The following KIF18A variants were observed in gnomAD, a reference collection of about 807,000 sequenced individuals.
KIF18A encodes the protein kinesin family member 18A, also known as kinesin-like protein KIF18A.
In KIF18A, 67 loss-of-function variants were observed where a neutral mutation model predicts 103.3. The ratio of observed to expected loss-of-function variants is 0.65; its 90% confidence interval spans 0.53 to 0.79. The LOEUF is 0.79. Ranked by LOEUF, KIF18A falls within the 30% of genes least tolerant of loss-of-function variation. The probability of loss-of-function intolerance (pLI) is 0.00; values close to 1 mark genes in which losing one functional copy is unlikely to be tolerated. For synonymous variants in KIF18A, 367 were observed against 355.5 expected, an observed-to-expected ratio of 1.03 and a Z score of -0.36; for missense variants, 1,032 against 1,062.5, an observed-to-expected ratio of 0.97 and a Z score of 0.40.
intron 10 of KIF18A, 95 bp downstream of exon 10, chr11:28,076,912 C>T (rs1851099548): frequency 1.7e-6 from 1 of 580,414 alleles, no homozygotes. Flanking sequence ...CCAGCTTGGG[C>T]AACAGAAGAA....
chr11:28,022,569 T>C (rs1462808763), intron 16 of KIF18A, among the ~76,000 whole-genome samples: 1 of 152,106 alleles, frequency 6.6e-6, no homozygotes, highest in Non-Finnish European at 1.5e-5. Flanking sequence ...GCCCGGCCAA[T>C]TTGAGAGTTT....
intron 10 of KIF18A, 52 bp downstream of exon 10, chr11:28,076,955 A>AAAG: frequency 1.2e-6 from 1 of 847,144 alleles, no homozygotes; most frequent in Non-Finnish European, 1.7e-6. Context: ...AAAAAAAAAA[A>AAAG]GCCCCCATGT....
At chr11:28,073,883 T>A (rs981543007) in intron 10 of KIF18A, among the ~76,000 whole-genome samples, 2 of 152,222 alleles carry the variant, frequency 1.3e-5, no homozygotes, top group African/African-American at 4.8e-5. Context: ...AGTTGAGATG[T>A]TAAGTCAATA....
chr11:28,075,004 A>G (rs901099228), intron 10 of KIF18A, among the ~76,000 whole-genome samples: 7 of 152,166 alleles, frequency 4.6e-5, no homozygotes, highest in Non-Finnish European at 5.9e-5. Flanking sequence ...GTTTAGGTAT[A>G]TATTTATCTT....
intron 11 of KIF18A, among the ~76,000 whole-genome samples, chr11:28,067,179 G>C (rs1850942976): frequency 6.6e-6 from 1 of 151,740 alleles, no homozygotes. Context: ...ATTTTTGTGG[G>C]GAATATTTTA....
intron 13 of KIF18A, among the ~76,000 whole-genome samples, chr11:28,057,300 G>A (rs2133523099): frequency 6.6e-6 from 1 of 152,208 alleles, no homozygotes; most frequent in African/African-American, 2.4e-5. Context: ...TGGATCACGA[G>A]GTCAGGAGAT....
chr11:28,035,996 T>G (rs1229031617), intron 14 of KIF18A, among the ~76,000 whole-genome samples: 1 of 151,522 alleles, frequency 6.6e-6, no homozygotes, highest in Non-Finnish European at 1.5e-5. Flanking sequence ...AGGTCTCTCC[T>G]AGACTAACGA....
At chr11:28,088,083 C>T (rs184537325) in intron 6 of KIF18A, among the ~76,000 whole-genome samples, 2 of 151,332 alleles carry the variant, frequency 1.3e-5, no homozygotes, top group African/African-American at 4.9e-5. Context: ...TTAAACCCCC[C>T]TTAAAAAAAA....
intron 6 of KIF18A, among the ~76,000 whole-genome samples, chr11:28,085,201 T>C (rs749132735): frequency 8.5e-5 from 13 of 152,156 alleles, no homozygotes; most frequent in Non-Finnish European, 1.8e-4. Flanking sequence ...TGAGGGCTCC[T>C]TGGTCAAGTG....
chr11:28,091,342 G>C, intron 4 of KIF18A, 67 bp downstream of exon 4: 1 of 790,496 alleles, frequency 1.3e-6, no homozygotes, highest in South Asian at 1.7e-5. Context: ...TAAGTGCATG[G>C]CTGGTGAAAA....
intron 5 of KIF18A, among the ~76,000 whole-genome samples, chr11:28,090,151 T>C (rs1335763945): frequency 6.6e-6 from 1 of 152,182 alleles, no homozygotes; most frequent in East Asian, 1.9e-4. Context: ...ACCTATGCTT[T>C]AGCTCTTTCT....
At chr11:28,034,831 G>C (rs764478448) in intron 15 of KIF18A, among the ~76,000 whole-genome samples, 1 of 151,564 alleles carries the variant, frequency 6.6e-6, no homozygotes, top group African/African-American at 2.4e-5. Context: ...GGGATCTCAG[G>C]CTCTCCATCC....
intron 12 of KIF18A, among the ~76,000 whole-genome samples, 199 bp from the exon 13 acceptor site, chr11:28,059,360 T>C (rs1470671351): frequency 2.0e-5 from 3 of 152,172 alleles, no homozygotes; most frequent in Non-Finnish European, 2.9e-5. Context: ...TTTTCCTCTG[T>C]AATGTGAGGG....
chr11:28,056,987 T>C, intron 13 of KIF18A: 2 of 323,126 alleles, frequency 6.2e-6, no homozygotes, highest in Non-Finnish European at 1.2e-5. Flanking sequence ...TTTGACTATA[T>C]AAAAGTTAAA....
intron 15 of KIF18A, among the ~76,000 whole-genome samples, chr11:28,029,767 A>G (rs1411598414): frequency 3.6e-5 from 5 of 140,720 alleles, no homozygotes; most frequent in Non-Finnish European, 7.7e-5. Flanking sequence ...ACATGATTGT[A>G]TATCTAGAAA....
intron 13 of KIF18A, among the ~76,000 whole-genome samples, chr11:28,044,278 A>C (rs1231565619): frequency 6.6e-6 from 1 of 152,058 alleles, no homozygotes; most frequent in Non-Finnish European, 1.5e-5. Flanking sequence ...ACTTCTCTGT[A>C]ATACTGGTAG....
intron 6 of KIF18A, among the ~76,000 whole-genome samples, chr11:28,086,408 AAAAAGT>A (rs2133556111): frequency 6.6e-6 from 1 of 152,334 alleles, no homozygotes; most frequent in South Asian, 2.1e-4. Context: ...CCTAAAAAGA[AAAAAGT>A]AAAAGTAACA....
chr11:28,024,191 TAA>T (rs60587483), intron 15 of KIF18A, among the ~76,000 whole-genome samples: 11 of 111,010 alleles, frequency 9.9e-5, no homozygotes, highest in Admixed American at 1.9e-4. Flanking sequence ...CACAAGAGGT[TAA>T]AAAAAAAAAA....
intron 6 of KIF18A, among the ~76,000 whole-genome samples, chr11:28,085,063 C>G (rs1851209992): frequency 6.6e-6 from 1 of 152,144 alleles, no homozygotes; most frequent in African/African-American, 2.4e-5. Context: ...TAATATTACT[C>G]TTTGTTGCAT....
Sources: allele counts gnomAD v4.1 joint callset (sites outside exome capture counted in the v4.1 genomes callset), GRCh38; gene constraint gnomAD v4.1.1; transcripts MANE v1.5; gene names NCBI Gene and HGNC (gene_info 2026-07-23, HGNC 2026-07-21).